The following SRGAP3 variants were observed in gnomAD, a reference collection of about 807,000 sequenced individuals.
The protein encoded by SRGAP3 is SLIT-ROBO Rho GTPase activating protein 3, also known as SLIT-ROBO Rho GTPase-activating protein 3.
SRGAP3 carries 39 observed loss-of-function variants against 121.1 expected under a neutral mutation model. That is an observed-to-expected ratio of 0.32 (90% CI 0.25 to 0.42). The LOEUF is 0.42. Among genes scored for constraint, SRGAP3 ranks in the 10% least tolerant of loss-of-function variants. The pLI is 1.00. For synonymous variants in SRGAP3, 601 were observed against 570.0 expected (o/e 1.05, Z -0.77); for missense variants, 1,213 against 1,470.6 (o/e 0.82, Z 2.86).
At chr3:9,344,160 A>C (rs1456069803) in intron 1 of SRGAP3, among the ~76,000 whole-genome samples, 1 of 152,062 alleles carries the variant, frequency 6.6e-6, no homozygotes, top group Non-Finnish European at 1.5e-5. Context: ...TCTCTACTAA[A>C]AATACAAAAA....
rs967715056 is a variant in SRGAP3, at chr3:8,981,587, A to T, written c.*3932T>A. The T allele has an allele frequency of 1.7e-4, 40 of 232,916 alleles. 1 individual carries two copies. Among genetic ancestry groups the T allele is most frequent in the African/African-American group, 8.6e-4 (39 of 45,422 alleles). The allele number at this position is 232,916 out of a possible 1,614,324, so 14.4% of individuals were successfully genotyped here. ...AGTCCTCCACATTCGTGCCTCCTGAATGACAGAGAAATATACCCAACAAGG... is the reference window on the plus strand; with the variant it reads ...AGTCCTCCACATTCGTGCCTCCTGATTGACAGAGAAATATACCCAACAAGG... On this transcript the variant is annotated 3_prime_UTR_variant, in exon 22 of 22. Coordinates refer to ENST00000383836, the MANE Select transcript of SRGAP3 (RefSeq NM_014850.4).
intron 9 of SRGAP3, chr3:9,049,165 C>T: frequency 3.1e-6 from 1 of 319,160 alleles, no homozygotes; most frequent in South Asian, 2.9e-5. Flanking sequence ...CCTCTAACAT[C>T]ACCACCTTCC....
intron 1 of SRGAP3, among the ~76,000 whole-genome samples, chr3:9,175,782 C>T (rs888390979): frequency 6.6e-6 from 1 of 152,196 alleles, no homozygotes; most frequent in African/African-American, 2.4e-5. Context: ...CCTTGGGATG[C>T]TTCTACATGT....
At chr3:9,332,944 T>C (rs539618143) in intron 1 of SRGAP3, among the ~76,000 whole-genome samples, 1 of 152,344 alleles carries the variant, frequency 6.6e-6, no homozygotes, top group South Asian at 2.1e-4. Context: ...GCTCAAAGCA[T>C]GATATGGAAC....
intron 20 of SRGAP3, among the ~76,000 whole-genome samples, chr3:8,992,222 G>A (rs1942099154): frequency 6.6e-6 from 1 of 152,178 alleles, no homozygotes; most frequent in South Asian, 2.1e-4. Context: ...CATAGAATAT[G>A]ACATTTTGAG....
At chr3:9,066,976 T>C (rs1399692643) in intron 4 of SRGAP3, among the ~76,000 whole-genome samples, 1 of 152,162 alleles carries the variant, frequency 6.6e-6, no homozygotes, top group African/African-American at 2.4e-5. Flanking sequence ...CTTGGACAAG[T>C]CACACAACCT....
chr3:9,050,553 T>C (rs1574979717), intron 9 of SRGAP3, among the ~76,000 whole-genome samples: 1 of 152,330 alleles, frequency 6.6e-6, no homozygotes, highest in Non-Finnish European at 1.5e-5. Flanking sequence ...AGACCTAAAA[T>C]AATGAGTCAT....
chr3:9,215,031 G>T (rs992937107), intron 1 of SRGAP3, among the ~76,000 whole-genome samples: 9 of 152,168 alleles, frequency 5.9e-5, no homozygotes, highest in Non-Finnish European at 8.8e-5. Context: ...CTAAGTGGTG[G>T]AGGGGGAAAT....
At chr3:9,236,290 C>T (rs1443569112) in intron 1 of SRGAP3, 1 of 172,220 alleles carries the variant, frequency 5.8e-6, no homozygotes, top group African/African-American at 2.4e-5. Context: ...AAAGTTGAAA[C>T]TTCATTGTAA....
intron 1 of SRGAP3, chr3:9,235,881 T>C (rs1243060467): frequency 6.6e-6 from 1 of 152,396 alleles, no homozygotes; most frequent in East Asian, 1.9e-4. Context: ...GCATTTAATG[T>C]GAATGCATTT....
At chr3:9,143,373 C>T (rs999656250) in intron 1 of SRGAP3, among the ~76,000 whole-genome samples, 1 of 152,180 alleles carries the variant, frequency 6.6e-6, no homozygotes, top group Admixed American at 6.5e-5. Flanking sequence ...AAGAACACAA[C>T]TTAACAGATT....
intron 1 of SRGAP3, among the ~76,000 whole-genome samples, chr3:9,215,107 T>A (rs368725456): frequency 1.5e-4 from 23 of 152,342 alleles, no homozygotes; most frequent in African/African-American, 5.3e-4. Flanking sequence ...CTATTTTACA[T>A]ATTCAAAAAT....
In SRGAP3 at chr3:9,288,148, T is replaced by C. The variant is rs1046578547; in HGVS notation, n.442+37862A>G. On this transcript the variant is annotated intron_variant and non_coding_transcript_variant, in intron 3 of 3. Transcript: ENST00000490889. Reference sequence around the variant, plus strand: ...TATCTTTGTTTTTTTTTTTTTTTTTTCTTTGGAGACAGAGTTTCACTTCTT... The same window carrying C: ...TATCTTTGTTTTTTTTTTTTTTTTTCCTTTGGAGACAGAGTTTCACTTCTT... Among the ~76,000 whole-genome samples the C allele has an allele frequency of 9.9e-4, 149 of 150,594 alleles. 1 individual carries two copies. The highest frequency in any genetic ancestry group is 1.5e-3 in the South Asian group (7 of 4,758).
chr3:9,164,838 T>C (rs2125085192), intron 1 of SRGAP3, among the ~76,000 whole-genome samples: 1 of 152,358 alleles, frequency 6.6e-6, no homozygotes. Flanking sequence ...GATCTTCCCT[T>C]TGATCCACAG....
intron 1 of SRGAP3, among the ~76,000 whole-genome samples, chr3:9,242,122 A>T (rs1268987598): frequency 6.6e-6 from 1 of 150,614 alleles, no homozygotes; most frequent in African/African-American, 2.4e-5. Context: ...AAAGGGAGAG[A>T]TTTCTCTCTC....
At chr3:9,267,697 G>A (rs1040264013) in intron 3 of SRGAP3, among the ~76,000 whole-genome samples, 2 of 152,176 alleles carry the variant, frequency 1.3e-5, no homozygotes, top group Non-Finnish European at 2.9e-5. Context: ...CTGGTACTTA[G>A]AAATTGTCCT....
chr3:8,993,989 G>A, intron 19 of SRGAP3: 2 of 368,344 alleles, frequency 5.4e-6, no homozygotes, highest in Non-Finnish European at 1.0e-5. Flanking sequence ...TACCTCTGGA[G>A]TGTAGAACCG....
At position 9,355,227 on chromosome 3, in the gene SRGAP3, G is replaced by C. The variant is rs74538278; in HGVS notation, n.214+7613C>G. On this transcript the variant is annotated intron_variant and non_coding_transcript_variant, in intron 1 of 3. Transcript: ENST00000490889. ...CATCCTTCAAAACACCCCAGAATTT[G>C]ACAGTTCTCACCACACCCACCCCTA... Among the ~76,000 whole-genome samples, 66 of 152,214 alleles carry C rather than the reference G, an allele frequency of 4.3e-4. 1 individual carries two copies. The highest frequency in any genetic ancestry group is 1.6e-3 in the African/African-American group (65 of 41,520).
chr3:9,314,727 C>T (rs76305431), intron 3 of SRGAP3, among the ~76,000 whole-genome samples: 3,535 of 151,990 alleles, frequency 0.023, 124 homozygotes, highest in African/African-American at 0.08. Context: ...CAAGTCCAGT[C>T]CTGCTCTCAG....
Sources: gnomAD v4.1 joint callset for allele counts (sites outside exome capture counted in the v4.1 genomes callset) on GRCh38, gnomAD v4.1.1 for gene constraint, MANE v1.5 for transcripts, NCBI Gene and HGNC (gene_info 2026-07-23, HGNC 2026-07-21) for gene names.